Variants in SVEP1 observed in about 807,000 individuals in gnomAD.
SVEP1 encodes the protein sushi, von Willebrand factor type A, EGF and pentraxin domain containing 1, also known as sushi, von Willebrand factor type A, EGF and pentraxin domain-containing protein 1.
SVEP1 carries 164 observed loss-of-function variants against 367.3 expected under a neutral mutation model. The observed-to-expected ratio is 0.45, with a 90% CI of 0.39 to 0.51. The LOEUF is 0.51. SVEP1 is among the 20% of genes least tolerant of loss of function. SVEP1 has a pLI of 0.00. For synonymous variants in SVEP1, 1,666 were observed against 1,611.6 expected (o/e 1.03, Z -0.81); for missense variants, 4,117 against 4,425.3 (o/e 0.93, Z 1.98).
intron 29 of SVEP1, among the ~76,000 whole-genome samples, chr9:110,434,840 T>C (rs572933897): frequency 4.6e-5 from 7 of 152,154 alleles, no homozygotes; most frequent in Non-Finnish European, 8.8e-5. Flanking sequence ...CATTCAGTTT[T>C]AGTGTGCAGA....
chr9:110,570,042 A>G (rs1830536460), intron 1 of SVEP1, among the ~76,000 whole-genome samples: 1 of 152,212 alleles, frequency 6.6e-6, no homozygotes, highest in Admixed American at 6.5e-5. Context: ...CATTGTAACA[A>G]CATTCATGCT....
intron 15 of SVEP1, among the ~76,000 whole-genome samples, chr9:110,471,953 T>C (rs1163864124): frequency 2.0e-5 from 3 of 152,130 alleles, no homozygotes; most frequent in Middle Eastern, 3.2e-3. Context: ...GAGAACGAAG[T>C]AGGGTGCTTT....
rs147834164 is a variant in SVEP1, at chr9:110,493,461, C to T, written c.1800+3354G>A. ...TAAAACAACAAAAATGGGCCAGGCA[C>T]GGTTGGCTCATGCCTGTAATCCCAG... On this transcript the variant is annotated intron_variant, in intron 8 of 47. Coordinates refer to ENST00000374469, the MANE Select transcript of SVEP1 (RefSeq NM_153366.4). 1.8e-3 allele frequency among the ~76,000 whole-genome samples: 273 copies of T among 152,164 alleles called. 1 individual carries two copies. The highest frequency in any genetic ancestry group is 6.2e-3 in the African/African-American group (256 of 41,542).
intron 13 of SVEP1, among the ~76,000 whole-genome samples, chr9:110,477,809 C>T (rs1164723760): frequency 6.6e-6 from 1 of 152,164 alleles, no homozygotes; most frequent in Non-Finnish European, 1.5e-5. Context: ...CAGTGCCACC[C>T]AAGCCACCAT....
At chr9:110,409,075 A>C (rs1828004054) in intron 37 of SVEP1, 124 bp from the exon 38 acceptor site, 7 of 1,080,622 alleles carry the variant, frequency 6.5e-6, no homozygotes, top group South Asian at 2.0e-5. Context: ...GGAAGTAAGC[A>C]AATAATGATT....
chr9:110,577,328 T>A (rs1410161836), intron 1 of SVEP1, among the ~76,000 whole-genome samples: 2 of 152,066 alleles, frequency 1.3e-5, no homozygotes, highest in Non-Finnish European at 2.9e-5. Flanking sequence ...CAGGAAGAGA[T>A]CAAATACCCA....
At chr9:110,434,600 T>C in intron 29 of SVEP1, 94 bp from the exon 30 acceptor site, 1 of 1,150,928 alleles carries the variant, frequency 8.7e-7, no homozygotes, top group Middle Eastern at 3.4e-4. Flanking sequence ...TATCAGCATT[T>C]GAGAGCCACC....
chr9:110,515,544 C>A (rs1160766139), intron 3 of SVEP1, among the ~76,000 whole-genome samples: 4 of 152,136 alleles, frequency 2.6e-5, no homozygotes, highest in South Asian at 2.1e-4. Flanking sequence ...TCATGATCCG[C>A]CCGCCTCAGC....
chr9:110,377,510 A>G (rs1243143131), intron 44 of SVEP1, 144 bp from the exon 45 acceptor site: 6 of 655,548 alleles, frequency 9.2e-6, no homozygotes, highest in Non-Finnish European at 1.5e-5. Context: ...TCAGGAGGGA[A>G]TTTCAGTATG....
chr9:110,468,780 A>G (rs970667695), intron 17 of SVEP1, among the ~76,000 whole-genome samples, 160 bp downstream of exon 17: 3 of 152,200 alleles, frequency 2.0e-5, no homozygotes, highest in Non-Finnish European at 1.5e-5. Context: ...TAAAACTTAT[A>G]TTGAATAAAT....
At chr9:110,444,031 G>A (rs1304159833) in intron 26 of SVEP1, among the ~76,000 whole-genome samples, 2 of 152,166 alleles carry the variant, frequency 1.3e-5, no homozygotes, top group Admixed American at 6.5e-5. Context: ...CTGTTTTGGA[G>A]AGAATGAGTC....
chr9:110,385,486 A>G, intron 43 of SVEP1, among the ~76,000 whole-genome samples: 1 of 152,270 alleles, frequency 6.6e-6, no homozygotes, highest in East Asian at 1.9e-4. Flanking sequence ...ACATCTAGAA[A>G]TGTGTTTTAA....
intron 18 of SVEP1, among the ~76,000 whole-genome samples, chr9:110,465,333 C>T (rs927806647): frequency 3.3e-5 from 5 of 151,668 alleles, no homozygotes; most frequent in African/African-American, 1.2e-4. Flanking sequence ...AGCCTCTACT[C>T]AGACAAGTTA....
chr9:110,478,795 A>G (rs935578557), intron 13 of SVEP1, among the ~76,000 whole-genome samples: 14 of 152,238 alleles, frequency 9.2e-5, no homozygotes, highest in African/African-American at 3.4e-4. Flanking sequence ...TAAGCAGCAC[A>G]ATAAAATGTT....
chr9:110,392,611 C>A (rs1306483601), intron 40 of SVEP1, among the ~76,000 whole-genome samples: 2 of 152,124 alleles, frequency 1.3e-5, no homozygotes, highest in African/African-American at 4.8e-5. Context: ...TTAACTGTAA[C>A]TTCCCCTCAT....
chr9:110,387,227 C>G, intron 42 of SVEP1, 58 bp downstream of exon 42: 1 of 1,494,084 alleles, frequency 6.7e-7, no homozygotes, highest in South Asian at 1.5e-5. Flanking sequence ...TTTGGATATG[C>G]GGGAAGCTAA....
chr9:110,488,032 C>G (rs1408294622), intron 9 of SVEP1, among the ~76,000 whole-genome samples: 2 of 152,150 alleles, frequency 1.3e-5, no homozygotes, highest in African/African-American at 4.8e-5. Flanking sequence ...TTTCAAAGGA[C>G]TGATCCGCAG....
rs2182747 is a variant in SVEP1 at position 110,384,434 on chromosome 9, G to C, written c.10237+1464C>G. Among the ~76,000 whole-genome samples the C allele has an allele frequency of 4.9e-3, 738 of 152,028 alleles. 5 individuals carry two copies. Among genetic ancestry groups the C allele is most frequent in the South Asian group, 0.012 (56 of 4,796 alleles). On this transcript the variant is annotated intron_variant, in intron 43 of 47. Transcript: ENST00000374469. ...TTCACTCACTGTTTTTGTTCTTCTC[G>C]GTGGGAGGCTCCGGCCACAGCTGTT...
At chr9:110,510,119 C>T (rs1251379259) in intron 5 of SVEP1, among the ~76,000 whole-genome samples, 2 of 152,192 alleles carry the variant, frequency 1.3e-5, no homozygotes, top group Non-Finnish European at 2.9e-5. Context: ...TCCACGTCCT[C>T]ACTGCTGATC....
Sources: gnomAD v4.1 joint callset for allele counts (sites outside exome capture counted in the v4.1 genomes callset) on GRCh38, gnomAD v4.1.1 for gene constraint, MANE v1.5 for transcripts, NCBI Gene and HGNC (gene_info 2026-07-23, HGNC 2026-07-21) for gene names.